The following ZNF215 variants were observed in gnomAD, a reference collection of about 807,000 sequenced individuals.
The protein encoded by ZNF215 is zinc finger protein 215.
In ZNF215, 24 loss-of-function variants were observed where a neutral mutation model predicts 27.2. The observed-to-expected ratio is 0.88, with a 90% CI of 0.64 to 1.24. The LOEUF is 1.24. ZNF215 is among the 50% of genes most tolerant of loss of function. The pLI is 0.00. For missense variants in ZNF215, 675 were observed against 605.7 expected (o/e 1.11, Z -1.20); for synonymous variants, 210 against 204.0 (o/e 1.03, Z -0.25).
chr11:6,988,366 A>G, downstream of ZNF215: 1 of 582,518 alleles, frequency 1.7e-6, no homozygotes, highest in Non-Finnish European at 2.2e-6. Context: ...GATGAACATC[A>G]GAAAAGGGCT....
At chr11:6,951,928 G>T (rs1850087164) in intron 6 of ZNF215, among the ~76,000 whole-genome samples, 1 of 152,110 alleles carries the variant, frequency 6.6e-6, no homozygotes, top group Non-Finnish European at 1.5e-5. Flanking sequence ...ATTCTGGTAT[G>T]TTGTGTCTTT....
chr11:6,966,033 T>C (rs1350199908), intron 5 of ZNF215, among the ~76,000 whole-genome samples: 5 of 152,146 alleles, frequency 3.3e-5, no homozygotes, highest in Admixed American at 3.3e-4. Context: ...GTGAAGTCTT[T>C]AGGCTTTGAG....
At chr11:6,940,393 C>G (rs1241312598) in intron 3 of ZNF215, among the ~76,000 whole-genome samples, 11 of 152,152 alleles carry the variant, frequency 7.2e-5, no homozygotes, top group Admixed American at 7.2e-4. Context: ...CAGCCTCTAC[C>G]TCCTAGGCTC....
At chr11:6,936,576 A>G (rs1331149607) in intron 3 of ZNF215, among the ~76,000 whole-genome samples, 1 of 152,090 alleles carries the variant, frequency 6.6e-6, no homozygotes, top group Non-Finnish European at 1.5e-5. Flanking sequence ...AATTAACACC[A>G]GTATTCTCAA....
intron 6 of ZNF215, among the ~76,000 whole-genome samples, chr11:6,954,578 C>T (rs1220358985): frequency 6.6e-6 from 1 of 152,240 alleles, no homozygotes; most frequent in East Asian, 1.9e-4. Context: ...ATTTTTTAAG[C>T]CTGTCGGGAA....
At position 6,979,692 on chromosome 11, in the gene ZNF215, A is replaced by G. The variant is rs115341925; in HGVS notation, c.806-4437A>G. On this transcript the variant is annotated intron_variant, in intron 5 of 5. Coordinates refer to the ZNF215 transcript ENST00000529903. ...CCGAATTGATTCTTCATCTCCTAAC[A>G]GGTAGTTCTATTAATTATAATAAAA... Among the ~76,000 whole-genome samples, 696 of 152,202 alleles carry G rather than the reference A, an allele frequency of 4.6e-3. 4 individuals carry two copies. Among genetic ancestry groups the G allele is most frequent in the African/African-American group, 0.014 (581 of 41,550 alleles).
downstream of ZNF215, among the ~76,000 whole-genome samples, chr11:6,990,323 G>A (rs1851102886): frequency 1.3e-5 from 2 of 152,026 alleles, no homozygotes; most frequent in Non-Finnish European, 2.9e-5. Context: ...TCTTTCCAGT[G>A]GCAAAGTCAC....
At chr11:6,985,229 C>A (rs1184431384), downstream of ZNF215, among the ~76,000 whole-genome samples, 2 of 152,134 alleles carry the variant, frequency 1.3e-5, no homozygotes, top group Non-Finnish European at 2.9e-5. Context: ...TCCTGGAATG[C>A]AAGATTGATT....
At position 6,957,800 on chromosome 11, in the gene ZNF215, A is replaced by G. The variant is rs1240491394; in HGVS notation, c.*1269A>G. 5.1e-6 allele frequency: 5 copies of G among 985,326 alleles called. No homozygotes were observed. Among genetic ancestry groups the G allele is most frequent in the African/African-American group, 1.7e-5 (1 of 57,246 alleles). 61.0% of individuals were successfully genotyped at this position (985,326 alleles called of 1,614,324 possible). A position where few individuals can be genotyped will look rare whatever the true frequency, so the allele number is the denominator to read the frequency against. On this transcript the variant is annotated 3_prime_UTR_variant, in exon 7 of 7. Coordinates refer to ENST00000278319, the MANE Select transcript of ZNF215 (RefSeq NM_013250.4). ...CCATAGCCTTAGGTATATCATTTAT[A>G]CCAGACATTATGAAGTTATTAAAGT... is the stretch of plus-strand genomic sequence containing the variant.
At chr11:6,985,390 AC>A (rs1851038208), downstream of ZNF215, among the ~76,000 whole-genome samples, 1 of 152,198 alleles carries the variant, frequency 6.6e-6, no homozygotes, top group Admixed American at 6.5e-5. Context: ...TAAGGAGCAT[AC>A]CTCAAAATAA....
In ZNF215 at chr11:6,955,628, G is replaced by A. The variant is rs148176391; in HGVS notation, c.713-62G>A. The A allele has an allele frequency of 2.6e-6, 4 of 1,511,790 alleles. No homozygotes were observed. The African/African-American group carries it at 4.2e-5, about 16-fold the overall frequency. 93.6% of individuals were successfully genotyped at this position (1,511,790 alleles called of 1,614,324 possible). A position where few individuals can be genotyped will look rare whatever the true frequency, so the allele number is the denominator to read the frequency against. On this transcript the variant is annotated intron_variant, in intron 6 of 6. Coordinates refer to ENST00000278319, the MANE Select transcript of ZNF215 (RefSeq NM_013250.4). ...ATATGCATATACCTTATACAGTTCAGCCTCCATTTCCTATTGAAGCAGTTT... is the reference window on the plus strand; with the variant it reads ...ATATGCATATACCTTATACAGTTCAACCTCCATTTCCTATTGAAGCAGTTT...
At position 6,971,416 on chromosome 11, in the gene ZNF215, C is replaced by T. The variant is rs75741510; in HGVS notation, c.806-12713C>T. ...AGCTTGTATTACAGTCTTTTTATTG[C>T]AGTTTGTTAATGCCTTCTCCTCTAT... On this transcript the variant is annotated intron_variant, in intron 5 of 5. Coordinates refer to the ZNF215 transcript ENST00000529903. 0.014 allele frequency among the ~76,000 whole-genome samples: 2,065 copies of T among 152,110 alleles called. 75 individuals are homozygous for T. In the East Asian group the frequency reaches 0.15, roughly 11 times the overall value.
At position 6,956,227 on chromosome 11, in the gene ZNF215, A is replaced by G. The variant is rs769114870; in HGVS notation, c.1250A>G (p.Asn417Ser). Residue 417 changes from asparagine (N) to serine (S), a missense_variant, in exon 7 of 7, where the codon AAC becomes AGC. Asn to Ser is a conservative substitution (Grantham distance 46, BLOSUM62 1). Transcript: ENST00000278319. ...TGCAGTGAATGTGGGAGATTCTTCA[A>G]CCGACGTACAAACCTTACTAAGCAT... ...YKCSECGRFF[N>S]RRTNLTKHQK... The G allele has an allele frequency of 2.5e-5, 41 of 1,613,290 alleles. No individual in the cohort carries two copies. Among genetic ancestry groups the G allele is most frequent in the Admixed American group, 3.3e-5 (2 of 59,928 alleles).
At chr11:6,940,230 T>TAATA (rs1199538140) in intron 3 of ZNF215, among the ~76,000 whole-genome samples, 2 of 133,304 alleles carry the variant, frequency 1.5e-5, no homozygotes, top group Non-Finnish European at 3.3e-5. Flanking sequence ...AGACCCTCTT[T>TAATA]AAAAAAAAAA....
At chr11:6,937,673 A>G (rs1849485247) in intron 3 of ZNF215, among the ~76,000 whole-genome samples, 1 of 152,058 alleles carries the variant, frequency 6.6e-6, no homozygotes, top group South Asian at 2.1e-4. Flanking sequence ...CTGGAATAGA[A>G]TTAAGAGTCC....
At chr11:6,958,607 T>C (rs1850452629), downstream of ZNF215, among the ~76,000 whole-genome samples, 1 of 152,168 alleles carries the variant, frequency 6.6e-6, no homozygotes, top group African/African-American at 2.4e-5. Context: ...ACCAATAGGA[T>C]AAATGTATAT....
At chr11:6,964,060 T>C (rs1231747443) in intron 5 of ZNF215, among the ~76,000 whole-genome samples, 1 of 152,080 alleles carries the variant, frequency 6.6e-6, no homozygotes, top group Non-Finnish European at 1.5e-5. Flanking sequence ...CACTTCAATT[T>C]GCATTTTCTG....
At chr11:6,979,779 T>C (rs889566957) in intron 5 of ZNF215, among the ~76,000 whole-genome samples, 2 of 152,114 alleles carry the variant, frequency 1.3e-5, no homozygotes, top group African/African-American at 4.8e-5. Context: ...AATGACGTAA[T>C]GACTTATAAA....
At chr11:6,937,701 T>A (rs552511916) in intron 3 of ZNF215, among the ~76,000 whole-genome samples, 1 of 152,004 alleles carries the variant, frequency 6.6e-6, no homozygotes, top group African/African-American at 2.4e-5. Flanking sequence ...AACTCATACA[T>A]CTATGTCCAG....
Sources: allele counts gnomAD v4.1 joint callset (sites outside exome capture counted in the v4.1 genomes callset), GRCh38; gene constraint gnomAD v4.1.1; transcripts MANE v1.5; gene names NCBI Gene and HGNC (gene_info 2026-07-23, HGNC 2026-07-21).